Variants in SLC9C2 observed in about 807,000 individuals in gnomAD.
The protein encoded by SLC9C2 is sodium/hydrogen exchanger 11.
SLC9C2 carries 75 observed loss-of-function variants against 140.2 expected under a neutral mutation model. That is an observed-to-expected ratio of 0.53 (90% CI 0.44 to 0.65). The LOEUF (loss-of-function observed/expected upper bound fraction) is 0.65, where lower values mean the gene tolerates loss of function less well. Ranked by LOEUF, SLC9C2 falls within the 30% of genes least tolerant of loss-of-function variation. SLC9C2 has a pLI of 0.00. For missense variants in SLC9C2, 1,074 were observed against 1,331.8 expected (o/e 0.81, Z 3.01); for synonymous variants, 375 against 420.9 (o/e 0.89, Z 1.34).
At chr1:173,586,020 GA>G (rs200664263) in intron 5 of SLC9C2, among the ~76,000 whole-genome samples, 1 of 150,434 alleles carries the variant, frequency 6.6e-6, no homozygotes, top group African/African-American at 2.4e-5. Context: ...TCCTTTTTTT[GA>G]AAAAAAATTG....
intron 5 of SLC9C2, 62 bp from the exon 6 acceptor site, chr1:173,583,684 G>C: frequency 1.2e-6 from 1 of 862,004 alleles, no homozygotes; most frequent in East Asian, 2.7e-5. Flanking sequence ...TCTTGCACAG[G>C]AAGCAGAAAC....
intron 3 of SLC9C2, 33 bp downstream of exon 3, chr1:173,600,084 C>A: frequency 6.9e-7 from 1 of 1,448,734 alleles, no homozygotes; most frequent in Non-Finnish European, 9.5e-7. Context: ...GGCATTTTTT[C>A]CTTTATTCTC....
intron 27 of SLC9C2, 33 bp from the exon 28 acceptor site, chr1:173,501,130 C>A: frequency 1.3e-6 from 2 of 1,502,484 alleles, no homozygotes; most frequent in South Asian, 1.4e-5. Context: ...AAATATTAGC[C>A]TATAAACATT....
At chr1:173,563,818 T>G (rs1340402343) in intron 9 of SLC9C2, among the ~76,000 whole-genome samples, 1 of 152,150 alleles carries the variant, frequency 6.6e-6, no homozygotes, top group African/African-American at 2.4e-5. Context: ...TTTTTGTACC[T>G]GTTAACCATC....
chr1:173,505,307 TG>T lies in SLC9C2; in HGVS notation c.3249del (p.Ser1083ArgfsTer4). On this transcript the variant is annotated frameshift_variant, in exon 26 of 28. Coordinates refer to ENST00000367714, the MANE Select transcript of SLC9C2 (RefSeq NM_178527.4). LOFTEE classifies it high-confidence loss of function. ...TCAGATGCTTGGATTATCAGCAGCT[TG>T]CTTAAATCAGAAGTTCCCTGAACCT... ...CEQVQGTSDLSKLLIIQASEL... is the reference protein window; with the variant it reads ...CEQVQGTSDLXKLLIIQASEL... The T allele has an allele frequency of 6.2e-7, 1 of 1,614,118 alleles. No individual in the cohort carries two copies. Among genetic ancestry groups the T allele is most frequent in the African/African-American group, 1.3e-5 (1 of 75,058 alleles).
chr1:173,562,252 T>G (rs1415049975), intron 9 of SLC9C2, among the ~76,000 whole-genome samples: 1 of 152,040 alleles, frequency 6.6e-6, no homozygotes, highest in African/African-American at 2.4e-5. Context: ...TCAATTATAC[T>G]TTTTTTTCTA....
rs542487697 is a variant in SLC9C2, at chr1:173,602,845, A to C, written c.-174T>G. 2 of 152,166 alleles carry C rather than the reference A, an allele frequency of 1.3e-5. No homozygotes were observed. Among genetic ancestry groups the C allele is most frequent in the Non-Finnish European group, 2.9e-5 (2 of 68,038 alleles). 9.4% of individuals were successfully genotyped at this position (152,166 alleles called of 1,614,324 possible). On this transcript the variant is annotated 5_prime_UTR_variant, in exon 1 of 28. The change creates a new upstream start codon in the 5' untranslated region. Transcript: ENST00000367714. ...AGAGATTCAAAATGCTACATCTTCA[A>C]ATCACTTCACCTGTCCCTCCAGTAG...
chr1:173,526,027 A>G (rs139845166), intron 19 of SLC9C2, among the ~76,000 whole-genome samples: 1 of 152,306 alleles, frequency 6.6e-6, no homozygotes, highest in African/African-American at 2.4e-5. Flanking sequence ...AAATGGTTTT[A>G]CTTTATTTTC....
chr1:173,569,637 T>C (rs1253249768), intron 9 of SLC9C2, among the ~76,000 whole-genome samples: 2 of 152,126 alleles, frequency 1.3e-5, no homozygotes, highest in East Asian at 1.9e-4. Flanking sequence ...TTCTTTTTTA[T>C]TCTTTTTTCT....
Position 173,534,600 on chromosome 1 carries a change from A to T in SLC9C2, c.1858T>A (p.Tyr620Asn). 1 of 1,589,626 alleles carries T rather than the reference A, an allele frequency of 6.3e-7. No homozygotes were observed. Among genetic ancestry groups the T allele is most frequent in the Non-Finnish European group, 8.6e-7 (1 of 1,169,476 alleles). The part of the protein sequence containing the change: ...EYTGQIINLI[Y>N]IYPMIIHLWP... ...AGATGTATTATCATAGGATAAATAT[A>T]TATCAAATTTATAATCTGTCCTGTA... is the stretch of plus-strand genomic sequence containing the variant. Residue 620 changes from tyrosine (Y) to asparagine (N), a missense_variant, in exon 16 of 28, where the codon TAT becomes AAT. Tyr to Asn is a moderately radical substitution (Grantham distance 143). Coordinates refer to ENST00000367714, the MANE Select transcript of SLC9C2 (RefSeq NM_178527.4).
At position 173,509,599 on chromosome 1, in the gene SLC9C2, T is replaced by A. The variant is rs753567361; in HGVS notation, c.3008A>T (p.Tyr1003Phe). ...IWLKLALSTA[Y>F]QYFESSLIDE... ...AATAAGACTTGATTCAAAATACTGA[T>A]AGGCAGTACTGAGAGCAAGCTTTAG... is the stretch of plus-strand genomic sequence containing the variant. Residue 1003 changes from tyrosine to phenylalanine, a missense_variant, in exon 24 of 28, where the codon TAT becomes TTT. Tyr to Phe is a conservative substitution (Grantham distance 22). Coordinates refer to ENST00000367714, the MANE Select transcript of SLC9C2 (RefSeq NM_178527.4). 1 of 1,586,722 alleles carries A rather than the reference T, an allele frequency of 6.3e-7. No homozygotes were observed. Among genetic ancestry groups the A allele is most frequent in the South Asian group, 1.2e-5 (1 of 84,968 alleles).
chr1:173,534,865 A>C (rs1435169501), intron 15 of SLC9C2, among the ~76,000 whole-genome samples, 183 bp from the exon 16 acceptor site: 1 of 152,030 alleles, frequency 6.6e-6, no homozygotes, highest in Admixed American at 6.6e-5. Flanking sequence ...AAGGTAAAAA[A>C]CATGATTTTT....
At chr1:173,531,301 T>G (rs554665389) in intron 17 of SLC9C2, among the ~76,000 whole-genome samples, 5 of 152,370 alleles carry the variant, frequency 3.3e-5, no homozygotes, top group African/African-American at 1.2e-4. Context: ...AGAACATTGC[T>G]GCCCACACTC....
chr1:173,532,990 G>C (rs1661692341), intron 17 of SLC9C2, among the ~76,000 whole-genome samples: 1 of 152,140 alleles, frequency 6.6e-6, no homozygotes, highest in African/African-American at 2.4e-5. Flanking sequence ...AATTAAAGTT[G>C]AGCAGGTAGA....
intron 17 of SLC9C2, among the ~76,000 whole-genome samples, chr1:173,530,783 G>A (rs1202266786): frequency 1.3e-5 from 2 of 152,152 alleles, no homozygotes; most frequent in African/African-American, 4.8e-5. Context: ...TTCCCACAGG[G>A]TTAAAGTCAT....
In SLC9C2 at chr1:173,505,163, T is replaced by C. The variant is rs966995821; in HGVS notation, c.3310+84A>G. ...TAAACCCACATAGTGCCCTCTCAAA[T>C]CACTTTCTTAGAGTTAAAGGAATTT... is the stretch of plus-strand genomic sequence containing the variant. On this transcript the variant is annotated intron_variant, in intron 26 of 27. Transcript: ENST00000367714. The C allele has an allele frequency of 6.8e-6, 8 of 1,169,832 alleles. No homozygotes were observed. The Admixed American group carries it at 8.2e-5, about 12-fold the overall frequency. The allele number at this position is 1,169,832 out of a possible 1,614,324, so 72.5% of individuals were successfully genotyped here.
At chr1:173,537,110 A>G (rs755536728) in intron 13 of SLC9C2, 71 bp from the exon 14 acceptor site, 1 of 1,197,584 alleles carries the variant, frequency 8.4e-7, no homozygotes, top group East Asian at 2.3e-5. Context: ...TAACCCTTAC[A>G]TAGCCCTCAC....
intron 23 of SLC9C2, among the ~76,000 whole-genome samples, chr1:173,511,102 C>T (rs1660022801): frequency 1.5e-5 from 2 of 131,548 alleles, no homozygotes; most frequent in Non-Finnish European, 3.1e-5. Flanking sequence ...TGGTGCATCT[C>T]GGCTCACTGC....
At chr1:173,599,437 C>A (rs1472484013) in intron 3 of SLC9C2, among the ~76,000 whole-genome samples, 6 of 119,592 alleles carry the variant, frequency 5.0e-5, no homozygotes, top group African/African-American at 1.6e-4. Flanking sequence ...TGCAGTGGCG[C>A]AATCTCGGCT....
Sources: allele counts gnomAD v4.1 joint callset (sites outside exome capture counted in the v4.1 genomes callset), GRCh38; gene constraint gnomAD v4.1.1; transcripts MANE v1.5; gene names NCBI Gene and HGNC (gene_info 2026-07-23, HGNC 2026-07-21).